The following DOCK3 variants were observed in gnomAD, a reference collection of about 807,000 sequenced individuals.
DOCK3 encodes dedicator of cytokinesis 3, also known as dedicator of cytokinesis protein 3.
A neutral mutation model predicts 265.6 loss-of-function variants in DOCK3; 60 were observed. The ratio of observed to expected loss-of-function variants is 0.23; its 90% CI spans 0.18 to 0.28. The LOEUF (loss-of-function observed/expected upper bound fraction) is 0.28. DOCK3 is among the 10% of genes least tolerant of loss of function. DOCK3 has a pLI of 1.00. For synonymous variants in DOCK3, 881 were observed against 938.0 expected (o/e 0.94, Z 1.11); for missense variants, 1,981 against 2,594.3 (o/e 0.76, Z 5.14).
chr3:51,022,163 A>C (rs2079622536), intron 5 of DOCK3, among the ~76,000 whole-genome samples: 1 of 152,186 alleles, frequency 6.6e-6, no homozygotes, highest in South Asian at 2.1e-4. Flanking sequence ...TTTTTATTAT[A>C]GGTAGATAGA....
At position 51,277,662 on chromosome 3, in the gene DOCK3, C is replaced by A; in HGVS notation, c.2731C>A (p.Leu911Ile). ...EMMVESLLDVLLQTLLTIMSK... is the reference protein window; with the variant it reads ...EMMVESLLDVILQTLLTIMSK... ...GATGGTGGAGAGCCTCCTGGACGTGCTCTTGCAGACTCTGCTCACCATCAT... is the reference window on the plus strand; with the variant it reads ...GATGGTGGAGAGCCTCCTGGACGTGATCTTGCAGACTCTGCTCACCATCAT... The change falls in exon 26 of 53, where the codon CTC becomes ATC. Residue 911 changes from leucine (L) to isoleucine (I), a missense_variant. Physicochemically the swap from Leu to Ile is conservative, Grantham distance 5 (BLOSUM62 2). This residue lies in a region of DOCK3 where 1,357 missense variants were observed against 1,866.8 expected (regional missense o/e 0.73). Coordinates refer to ENST00000266037, the MANE Select transcript of DOCK3 (RefSeq NM_004947.5). 1 of 1,599,888 alleles carries A rather than the reference C, an allele frequency of 6.3e-7. No individual in the cohort carries two copies. Among genetic ancestry groups the A allele is most frequent in the Non-Finnish European group, 8.5e-7 (1 of 1,173,312 alleles).
At chr3:50,959,530 TTGTGTGTG>T (rs201803035) in intron 5 of DOCK3, among the ~76,000 whole-genome samples, 4 of 146,088 alleles carry the variant, frequency 2.7e-5, no homozygotes, top group South Asian at 4.3e-4. Context: ...TCTTTTTATG[TTGTGTGTG>T]TGTGTGTGTG....
At chr3:51,172,938 C>T (rs570488999) in intron 12 of DOCK3, among the ~76,000 whole-genome samples, 10 of 152,268 alleles carry the variant, frequency 6.6e-5, no homozygotes, top group Non-Finnish European at 1.3e-4. Flanking sequence ...TTACCCCACC[C>T]AGTTTATATT....
At chr3:50,775,941 A>T (rs2041569905) in intron 1 of DOCK3, among the ~76,000 whole-genome samples, 1 of 152,164 alleles carries the variant, frequency 6.6e-6, no homozygotes. Flanking sequence ...GCTAAGTGGT[A>T]TTCCATGGTG....
rs1174690100 is a variant in DOCK3 at position 51,015,994 on chromosome 3, AAT to A, written c.316-48445_316-48444del. 6.1e-3 allele frequency among the ~76,000 whole-genome samples: 21 copies of A among 3,454 alleles called. 9 individuals carry two copies. Among genetic ancestry groups the A allele is most frequent in the Admixed American group, 0.012 (3 of 258 alleles). The allele number at this position is 3,454 out of a possible 152,430, so 2.3% of individuals were successfully genotyped here. A position where few individuals can be genotyped will look rare whatever the true frequency, so the allele number is the denominator to read the frequency against. On this transcript the variant is annotated intron_variant, in intron 5 of 52. Transcript: ENST00000266037. ...ATATATATATCATATATTTCTACAT[AAT>A]ATATATATCATATATTTCTACATAA... is the stretch of plus-strand genomic sequence containing the variant.
intron 49 of DOCK3, among the ~76,000 whole-genome samples, chr3:51,370,259 T>A (rs1023206726): frequency 1.3e-5 from 2 of 152,212 alleles, no homozygotes; most frequent in African/African-American, 4.8e-5. Context: ...TGTAATCCCT[T>A]CTGGTTTTGT....
intron 2 of DOCK3, among the ~76,000 whole-genome samples, chr3:50,820,135 C>G (rs2044321037): frequency 6.6e-6 from 1 of 152,204 alleles, no homozygotes; most frequent in Admixed American, 6.5e-5. Flanking sequence ...TAAGTTTACT[C>G]AGGCAGCCCA....
intron 27 of DOCK3, among the ~76,000 whole-genome samples, chr3:51,297,793 A>AT (rs1491127313): frequency 3.5e-4 from 6 of 16,910 alleles, no homozygotes; most frequent in African/African-American, 2.0e-3. Flanking sequence ...TAATAATAAT[A>AT]ATTTTTTTTT....
chr3:50,798,713 T>C (rs1396597818), intron 2 of DOCK3, among the ~76,000 whole-genome samples: 1 of 152,178 alleles, frequency 6.6e-6, no homozygotes, highest in Non-Finnish European at 1.5e-5. Flanking sequence ...TTTCCTTTGC[T>C]GTGCAGAGCT....
chr3:51,047,020 G>A (rs1333232126), intron 5 of DOCK3, among the ~76,000 whole-genome samples: 1 of 152,084 alleles, frequency 6.6e-6, no homozygotes, highest in African/African-American at 2.4e-5. Flanking sequence ...ATACCAAAAT[G>A]TATAGGATGC....
In DOCK3 at chr3:51,068,446, A is replaced by G. The variant is rs1353079444; in HGVS notation, c.464+3850A>G. Among the ~76,000 whole-genome samples the G allele has an allele frequency of 6.2e-5, 9 of 144,732 alleles. No individual in the cohort carries two copies. In the East Asian group the frequency reaches 1.6e-3, roughly 26 times the overall value. 94.9% of individuals were successfully genotyped at this position (144,732 alleles called of 152,430 possible). Reference sequence around the variant, plus strand: ...TCCCAGCTACTCGGGAGGGTGAGGCAGGAGAATGGTGTGAACCCAGGAGGC... The same window carrying G: ...TCCCAGCTACTCGGGAGGGTGAGGCGGGAGAATGGTGTGAACCCAGGAGGC... On this transcript the variant is annotated intron_variant, in intron 6 of 52. Transcript: ENST00000266037.
chr3:51,023,485 G>A (rs1021768054), intron 5 of DOCK3, among the ~76,000 whole-genome samples: 4 of 151,342 alleles, frequency 2.6e-5, no homozygotes, highest in Non-Finnish European at 5.9e-5. Flanking sequence ...GTGTGATCTC[G>A]GCTCACTCCA....
chr3:51,308,172 G>A (rs1420511978), intron 27 of DOCK3, among the ~76,000 whole-genome samples: 1 of 151,558 alleles, frequency 6.6e-6, no homozygotes, highest in Non-Finnish European at 1.5e-5. Flanking sequence ...GAAGGGAATA[G>A]TGCAAGTTAA....
rs1230862465 is a variant in DOCK3, at chr3:50,675,137, C to T, written c.-127C>T. The T allele has an allele frequency of 5.0e-6, 3 of 595,126 alleles. No individual in the cohort carries two copies. The African/African-American group carries it at 6.1e-5, about 12-fold the overall frequency. 36.9% of individuals were successfully genotyped at this position (595,126 alleles called of 1,614,324 possible). On this transcript the variant is annotated 5_prime_UTR_variant, in exon 1 of 53. Transcript: ENST00000266037. This position sits in a 1 kb window ranked among gnomAD's most constrained non-coding sequence, Gnocchi z 6.1. The stretch of plus-strand genomic sequence containing the variant: ...CCCGGACGGCCTGTGAGGGATGCGC[C>T]GCCCACTGCCCCGCGCCGCCTGACC...
At position 50,928,153 on chromosome 3, in the gene DOCK3, AT is replaced by A. The variant is rs1270532769; in HGVS notation, c.219-5827del. 6.5e-5 allele frequency among the ~76,000 whole-genome samples: 9 copies of A among 137,776 alleles called. No homozygotes were observed. The South Asian group carries it at 6.8e-4, about 10-fold the overall frequency. 90.4% of individuals were successfully genotyped at this position (137,776 alleles called of 152,430 possible). ...GATATATATATATATATATATATAT[AT>A]AATAAAGTTTACCATTTCACCTCTT... is the stretch of plus-strand genomic sequence containing the variant. On this transcript the variant is annotated intron_variant, in intron 4 of 52. Coordinates refer to ENST00000266037, the MANE Select transcript of DOCK3 (RefSeq NM_004947.5).
chr3:51,334,682 T>C (rs895960371), intron 35 of DOCK3, among the ~76,000 whole-genome samples: 3 of 152,218 alleles, frequency 2.0e-5, no homozygotes, highest in Non-Finnish European at 4.4e-5. Flanking sequence ...TAGCTTCTCC[T>C]GCAGCTGCAA....
chr3:51,037,283 C>A (rs2080306859), intron 5 of DOCK3, among the ~76,000 whole-genome samples: 1 of 151,916 alleles, frequency 6.6e-6, no homozygotes, highest in East Asian at 1.9e-4. Flanking sequence ...ACTGAAATGA[C>A]CATTATCTTT....
At chr3:51,183,745 A>G (rs943678173) in intron 12 of DOCK3, among the ~76,000 whole-genome samples, 4 of 152,220 alleles carry the variant, frequency 2.6e-5, no homozygotes, top group African/African-American at 9.7e-5. Flanking sequence ...CATTCTTAGA[A>G]TAGGAGGTTA....
intron 12 of DOCK3, among the ~76,000 whole-genome samples, chr3:51,205,198 A>G (rs925464411): frequency 1.3e-5 from 2 of 149,892 alleles, no homozygotes; most frequent in Non-Finnish European, 3.0e-5. Flanking sequence ...AAATACAGTG[A>G]AAAAAAAAGA....
Sources: gnomAD v4.1 joint callset for allele counts (sites outside exome capture counted in the v4.1 genomes callset) on GRCh38, gnomAD v4.1.1 for gene constraint, gnomAD v4.1.1 regional missense constraint, Gnocchi (gnomAD v3.1) non-coding constraint, MANE v1.5 for transcripts, NCBI Gene and HGNC (gene_info 2026-07-23, HGNC 2026-07-21) for gene names.